The following UGGT1 variants were observed in gnomAD, a reference collection of about 807,000 sequenced individuals.
The protein encoded by UGGT1 is UDP-glucose glycoprotein glucosyltransferase 1, also known as UDP-glucose:glycoprotein glucosyltransferase 1.
Under a neutral mutation model 203.9 loss-of-function variants are expected in UGGT1, and 107 were observed. The ratio of observed to expected loss-of-function variants is 0.52; its 90% CI spans 0.45 to 0.62. The LOEUF is 0.62. UGGT1 is among the 20% of genes least tolerant of loss of function. The pLI, the probability that UGGT1 is intolerant of heterozygous loss-of-function variation, is 0.00. For missense variants in UGGT1, 1,673 were observed against 1,867.2 expected (o/e 0.90, Z 1.92); for synonymous variants, 628 against 653.5 (o/e 0.96, Z 0.59).
chr2:128,192,262 G>C lies in UGGT1; in HGVS notation c.*2520G>C, dbSNP rs902617662. On this transcript the variant is annotated 3_prime_UTR_variant, in exon 41 of 41. Coordinates refer to ENST00000259253, the MANE Select transcript of UGGT1 (RefSeq NM_020120.4). ...AATGGCCTAGGACCCTCCTCCTCCT[G>C]CCAGTTTTTTTTTTTTTTTTTGGTT... is the stretch of plus-strand genomic sequence containing the variant. 1 of 142,222 alleles carries C rather than the reference G, an allele frequency of 7.0e-6. No individual in the cohort carries two copies. 8.8% of individuals were successfully genotyped at this position (142,222 alleles called of 1,614,324 possible).
At chr2:128,102,450 ATCATAATTTATGC>A (rs1345217666) in intron 2 of UGGT1, among the ~76,000 whole-genome samples, 1 of 152,156 alleles carries the variant, frequency 6.6e-6, no homozygotes, top group Non-Finnish European at 1.5e-5. Context: ...GGCCTGTAAA[ATCATAATTTATGC>A]TCAGTGGAAT....
intron 1 of UGGT1, among the ~76,000 whole-genome samples, chr2:128,092,414 A>G (rs2105320932): frequency 6.6e-6 from 1 of 151,686 alleles, no homozygotes; most frequent in South Asian, 2.1e-4. Flanking sequence ...AACTTATTAA[A>G]GGAAGTGACC....
intron 8 of UGGT1, among the ~76,000 whole-genome samples, chr2:128,119,950 T>A (rs1182684947): frequency 1.3e-5 from 2 of 151,868 alleles, no homozygotes; most frequent in Non-Finnish European, 2.9e-5. Flanking sequence ...TTTTTTTCTT[T>A]TTTTTTTTAA....
intron 18 of UGGT1, 138 bp from the exon 19 acceptor site, chr2:128,152,646 C>A: frequency 8.4e-7 from 1 of 1,192,090 alleles, no homozygotes; most frequent in Non-Finnish European, 1.1e-6. Context: ...GGACCAATAA[C>A]ATAGTAACTT....
At chr2:128,114,074 T>A (rs1319320503) in intron 6 of UGGT1, among the ~76,000 whole-genome samples, 2 of 152,166 alleles carry the variant, frequency 1.3e-5, no homozygotes, top group Non-Finnish European at 2.9e-5. Flanking sequence ...TATGTCATAA[T>A]AAGCTCAGTA....
Position 128,163,306 on chromosome 2 carries a change from A to G in UGGT1, c.2826-1424A>G, listed in dbSNP as rs182676277. Among the ~76,000 whole-genome samples, 430 of 152,202 alleles carry G rather than the reference A, an allele frequency of 2.8e-3. 2 individuals are homozygous for G. Among genetic ancestry groups the G allele is most frequent in the Non-Finnish European group, 3.5e-3 (236 of 68,006 alleles). On this transcript the variant is annotated intron_variant, in intron 25 of 40. Transcript: ENST00000259253. ...TGTATGTAGGCTTAATTACAGTTCA[A>G]ATACATTCACAGTGCTCTTTTAAAA...
chr2:128,117,236 C>A (rs866323051), intron 8 of UGGT1, among the ~76,000 whole-genome samples: 11 of 151,840 alleles, frequency 7.2e-5, no homozygotes, highest in Middle Eastern at 3.5e-3. Context: ...ATTACAGGCA[C>A]CCATCACCAT....
chr2:128,130,558 A>G (rs1688825868), intron 13 of UGGT1, among the ~76,000 whole-genome samples: 1 of 152,198 alleles, frequency 6.6e-6, no homozygotes, highest in East Asian at 1.9e-4. Context: ...ATGCAAACAT[A>G]AAGGGACTAA....
Position 128,129,135 on chromosome 2 carries a change from T to C in UGGT1, c.1333T>C (p.Ser445Pro). The change falls in exon 13 of 41, where the codon TCT becomes CCT. Residue 445 changes from serine to proline, a missense_variant. Physicochemically the swap from Ser to Pro is moderately conservative, Grantham distance 74 (BLOSUM62 -1). Transcript: ENST00000259253. Reference protein sequence around the residue: ...HNVLKLNIQPSEADYAVDIRS... With the variant: ...HNVLKLNIQPPEADYAVDIRS... ...TGTTTTGAAGCTGAACATCCAGCCC[T>C]CTGAGGCAGACTATGCCGTAGACAT... The C allele has an allele frequency of 1.2e-6, 2 of 1,614,058 alleles. No homozygotes were observed. Among genetic ancestry groups the C allele is most frequent in the Non-Finnish European group, 1.7e-6 (2 of 1,180,014 alleles).
At chr2:128,187,021 A>G (rs183370550) in intron 39 of UGGT1, among the ~76,000 whole-genome samples, 4 of 152,280 alleles carry the variant, frequency 2.6e-5, no homozygotes, top group Non-Finnish European at 4.4e-5. Flanking sequence ...TATAGTAAGC[A>G]TAAGTATATA....
intron 40 of UGGT1, among the ~76,000 whole-genome samples, chr2:128,189,169 G>A (rs1265090231): frequency 6.6e-6 from 1 of 152,190 alleles, no homozygotes; most frequent in Non-Finnish European, 1.5e-5. Flanking sequence ...GAAGCTTTGT[G>A]TATTGGAATA....
In UGGT1 at chr2:128,158,161, C is replaced by T. The variant is rs563075801; in HGVS notation, c.2355+815C>T. Reference sequence around the variant, plus strand: ...TGTGAAAGGCACTCTAACACAAATGCGTAAATCTTCAAATGGTAGTAGGGT... The same window carrying T: ...TGTGAAAGGCACTCTAACACAAATGTGTAAATCTTCAAATGGTAGTAGGGT... On this transcript the variant is annotated intron_variant, in intron 22 of 40. Transcript: ENST00000259253. Among the ~76,000 whole-genome samples the T allele has an allele frequency of 5.3e-5, 8 of 152,232 alleles. No individual in the cohort carries two copies. The South Asian group carries it at 6.2e-4, about 12-fold the overall frequency.
chr2:128,114,742 GCTGTCCATTCAT>G (rs1219870092), intron 6 of UGGT1, among the ~76,000 whole-genome samples: 1 of 152,092 alleles, frequency 6.6e-6, no homozygotes, highest in Non-Finnish European at 1.5e-5. Flanking sequence ...AGCACTTTCA[GCTGTCCATTCAT>G]CTGGTTTTGC....
At chr2:128,118,735 T>C (rs975829911) in intron 8 of UGGT1, among the ~76,000 whole-genome samples, 2 of 152,150 alleles carry the variant, frequency 1.3e-5, no homozygotes, top group African/African-American at 4.8e-5. Flanking sequence ...TTTTTTTTGT[T>C]TGAGACAGGC....
At chr2:128,107,511 G>A (rs1687658945) in intron 3 of UGGT1, among the ~76,000 whole-genome samples, 1 of 152,202 alleles carries the variant, frequency 6.6e-6, no homozygotes, top group Non-Finnish European at 1.5e-5. Flanking sequence ...GGTATAGATA[G>A]ACAGTGAATA....
In UGGT1 at chr2:128,174,961, A is replaced by G. The variant is rs1322496948; in HGVS notation, c.3539+103A>G. ...CAGTTAGCCAGGCAACATGAATTTA[A>G]TTTGCAGTTGTATGTGATGAAACAG... On this transcript the variant is annotated intron_variant, in intron 31 of 40. Coordinates refer to ENST00000259253, the MANE Select transcript of UGGT1 (RefSeq NM_020120.4). 7 of 966,882 alleles carry G rather than the reference A, an allele frequency of 7.2e-6. No individual in the cohort carries two copies. In the East Asian group the frequency reaches 1.8e-4, roughly 24 times the overall value. The allele number at this position is 966,882 out of a possible 1,614,324, so 59.9% of individuals were successfully genotyped here.
At position 128,172,697 on chromosome 2, in the gene UGGT1, C is replaced by A; in HGVS notation, c.3229C>A (p.Pro1077Thr). The change falls in exon 29 of 41, where the codon CCT becomes ACT. Residue 1077 changes from proline to threonine, a missense_variant. Transcript: ENST00000259253. ...SPLFTLNLNTPESWMVESVRT... is the reference protein window; with the variant it reads ...SPLFTLNLNTTESWMVESVRT... ...ACTGTTCACTCTGAATTTGAACACACCTGAGAGCTGGATGGTAGAATCTGT... is the reference window on the plus strand; with the variant it reads ...ACTGTTCACTCTGAATTTGAACACAACTGAGAGCTGGATGGTAGAATCTGT... 6.2e-7 allele frequency: 1 copy of A among 1,614,096 alleles called. No individual in the cohort carries two copies. The highest frequency in any genetic ancestry group is 8.5e-7 in the Non-Finnish European group (1 of 1,180,002).
chr2:128,158,611 T>C (rs999733171), intron 22 of UGGT1, among the ~76,000 whole-genome samples: 1 of 152,218 alleles, frequency 6.6e-6, no homozygotes, highest in Non-Finnish European at 1.5e-5. Flanking sequence ...TTTAAGCTAT[T>C]TGAAGGACAG....
chr2:128,115,479 G>T (rs1298755299), intron 7 of UGGT1, among the ~76,000 whole-genome samples: 1 of 46,938 alleles, frequency 2.1e-5, no homozygotes, highest in East Asian at 5.6e-4. Context: ...ATTTTTTCAT[G>T]TACTAAAAAA....
Sources: gnomAD v4.1 joint callset for allele counts (sites outside exome capture counted in the v4.1 genomes callset) on GRCh38, gnomAD v4.1.1 for gene constraint, MANE v1.5 for transcripts, NCBI Gene and HGNC (gene_info 2026-07-23, HGNC 2026-07-21) for gene names.